AKAP13: variants seen among roughly 807,000 people sequenced by gnomAD.
AKAP13 encodes A-kinase anchor protein 13.
A neutral mutation model predicts 264.5 loss-of-function variants in AKAP13; 80 were observed. The ratio of observed to expected loss-of-function variants is 0.30; its 90% confidence interval spans 0.25 to 0.36. The LOEUF (loss-of-function observed/expected upper bound fraction) is 0.36. Among genes scored for constraint, AKAP13 ranks in the 10% least tolerant of loss-of-function variants. The pLI, the probability that AKAP13 is intolerant of heterozygous loss-of-function variation, is 1.00. For missense variants in AKAP13, 3,712 were observed against 3,435.2 expected, an observed-to-expected ratio of 1.08 and a Z score of -2.01; for synonymous variants, 1,380 against 1,250.2, an observed-to-expected ratio of 1.10 and a Z score of -2.19.
intron 8 of AKAP13, among the ~76,000 whole-genome samples, chr15:85,598,763 A>G (rs776822398): frequency 2.6e-5 from 4 of 151,694 alleles, no homozygotes; most frequent in Non-Finnish European, 4.4e-5. Context: ...GGAATTTTCC[A>G]TTGTTTAGGC....
chr15:85,474,277 T>G (rs1483399583), intron 1 of AKAP13, among the ~76,000 whole-genome samples: 1 of 152,194 alleles, frequency 6.6e-6, no homozygotes, highest in Non-Finnish European at 1.5e-5. Flanking sequence ...ATTCCTTTCT[T>G]TCCCTCTGCC....
At chr15:85,615,735 G>C (rs764397783) in intron 8 of AKAP13, among the ~76,000 whole-genome samples, 2 of 152,174 alleles carry the variant, frequency 1.3e-5, no homozygotes, top group Non-Finnish European at 2.9e-5. Context: ...AGTTTTAAGA[G>C]AATGTCTCAA....
chr15:85,531,749 G>A (rs1325788267), intron 3 of AKAP13, among the ~76,000 whole-genome samples: 18 of 152,274 alleles, frequency 1.2e-4, no homozygotes, highest in Admixed American at 1.0e-3. Flanking sequence ...GAAAGAATTC[G>A]ACTTGGAAGG....
intron 12 of AKAP13, among the ~76,000 whole-genome samples, chr15:85,662,805 T>A (rs2083420223): frequency 6.6e-6 from 1 of 152,196 alleles, no homozygotes; most frequent in Non-Finnish European, 1.5e-5. Context: ...ATGCACTGAT[T>A]TCTATTATGC....
At chr15:85,687,092 A>G (rs2084977395) in intron 16 of AKAP13, among the ~76,000 whole-genome samples, 1 of 152,182 alleles carries the variant, frequency 6.6e-6, no homozygotes, top group African/African-American at 2.4e-5. Context: ...TACACATGAT[A>G]GGAAAAAAAA....
chr15:85,636,888 T>G (rs1244374470), intron 8 of AKAP13, among the ~76,000 whole-genome samples: 1 of 152,230 alleles, frequency 6.6e-6, no homozygotes, highest in Non-Finnish European at 1.5e-5. Context: ...GTGCTGGGAT[T>G]ACAGGCATGA....
At chr15:85,717,936 G>T in intron 21 of AKAP13, 71 bp from the exon 22 acceptor site, 4 of 1,475,298 alleles carry the variant, frequency 2.7e-6, no homozygotes, top group Non-Finnish European at 3.7e-6. Flanking sequence ...ATCATCTTGA[G>T]GAAAGTCCAA....
chr15:85,481,273 C>G (rs1026566946), intron 1 of AKAP13, among the ~76,000 whole-genome samples: 1 of 151,928 alleles, frequency 6.6e-6, no homozygotes, highest in Non-Finnish European at 1.5e-5. Flanking sequence ...CTTTGCACAC[C>G]CAGCGCTGGT....
intron 1 of AKAP13, among the ~76,000 whole-genome samples, chr15:85,383,328 G>A (rs1199885248): frequency 6.6e-6 from 1 of 152,176 alleles, no homozygotes; most frequent in Non-Finnish European, 1.5e-5. Flanking sequence ...CACTTCCATT[G>A]ACTAGTTGCA....
At chr15:85,514,648 A>G (rs1596387504) in intron 2 of AKAP13, among the ~76,000 whole-genome samples, 1 of 137,944 alleles carries the variant, frequency 7.2e-6, no homozygotes, top group Non-Finnish European at 1.5e-5. Flanking sequence ...ACTGGCTGCC[A>G]TGAGTTGCCA....
intron 12 of AKAP13, among the ~76,000 whole-genome samples, chr15:85,663,367 T>C (rs2083447389): frequency 6.6e-6 from 1 of 151,894 alleles, no homozygotes; most frequent in Admixed American, 6.6e-5. Context: ...CATTTACTTG[T>C]AGTTAGTCAT....
In AKAP13 at chr15:85,578,940, T is replaced by C. The variant is rs760255568; in HGVS notation, c.872T>C (p.Leu291Pro). 33 of 1,607,328 alleles carry C rather than the reference T, an allele frequency of 2.1e-5. No homozygotes were observed. Among genetic ancestry groups the C allele is most frequent in the Non-Finnish European group, 2.7e-5 (32 of 1,174,952 alleles). ...NIQQQLMKTN[L>P]KQMDSLMPLM... ...TTCATTTCCTCCTAGAAAACAAACCTCAAGCAGATGGACAGTCTTATGCCC... is the reference window on the plus strand; with the variant it reads ...TTCATTTCCTCCTAGAAAACAAACCCCAAGCAGATGGACAGTCTTATGCCC... Residue 291 changes from leucine to proline, a missense_variant, in exon 7 of 37, where the codon CTC becomes CCC. Physicochemically the swap from Leu to Pro is moderately conservative, Grantham distance 98 (BLOSUM62 -3). Coordinates refer to ENST00000394518, the MANE Select transcript of AKAP13 (RefSeq NM_007200.5).
At chr15:85,382,908 C>G (rs1440769042) in intron 1 of AKAP13, among the ~76,000 whole-genome samples, 1 of 152,186 alleles carries the variant, frequency 6.6e-6, no homozygotes, top group South Asian at 2.1e-4. Context: ...TGACAGTTCA[C>G]TTGCAGATCT....
intron 8 of AKAP13, among the ~76,000 whole-genome samples, chr15:85,618,122 A>G (rs146968348): frequency 6.6e-6 from 1 of 152,344 alleles, no homozygotes; most frequent in Non-Finnish European, 1.5e-5. Flanking sequence ...TAAAGCCTGT[A>G]TGTAGCTGGG....
chr15:85,411,470 C>T (rs1479001297), intron 1 of AKAP13, among the ~76,000 whole-genome samples: 3 of 152,034 alleles, frequency 2.0e-5, no homozygotes, highest in African/African-American at 7.2e-5. Flanking sequence ...TGGAGTCTTG[C>T]TCCGTCCCCC....
intron 8 of AKAP13, among the ~76,000 whole-genome samples, chr15:85,633,545 T>TC (rs2081947345): frequency 7.6e-6 from 1 of 132,138 alleles, no homozygotes. Context: ...CTTTTTTTTT[T>TC]TTTTTTTTTT....
intron 3 of AKAP13, among the ~76,000 whole-genome samples, chr15:85,529,632 G>A (rs114717095): frequency 0.011 from 1,621 of 152,288 alleles, 18 homozygotes; most frequent in African/African-American, 0.037. Context: ...TATCAGAAAG[G>A]TTATAGGAAT....
At chr15:85,693,710 C>G (rs543215837) in intron 17 of AKAP13, among the ~76,000 whole-genome samples, 4 of 152,262 alleles carry the variant, frequency 2.6e-5, no homozygotes, top group African/African-American at 9.6e-5. Context: ...TACAGTGGTT[C>G]AAAAGCAATA....
intron 16 of AKAP13, among the ~76,000 whole-genome samples, chr15:85,686,197 G>GTGTA: frequency 6.6e-6 from 1 of 151,786 alleles, no homozygotes. Context: ...ATGCATGTGT[G>GTGTA]TGTGTGTGTG....
Sources: allele counts gnomAD v4.1 joint callset (sites outside exome capture counted in the v4.1 genomes callset), GRCh38; gene constraint gnomAD v4.1.1; transcripts MANE v1.5; gene names NCBI Gene and HGNC (gene_info 2026-07-23, HGNC 2026-07-21).